The following GNB1L variants were observed in gnomAD, a reference collection of about 807,000 sequenced individuals.
GNB1L encodes the protein guanine nucleotide-binding protein subunit beta-like protein 1.
A neutral mutation model predicts 29.1 loss-of-function variants in GNB1L; 20 were observed. The ratio of observed to expected loss-of-function variants is 0.69; its 90% CI spans 0.48 to 1.00. The LOEUF is 1.00. Among genes scored for constraint, GNB1L ranks in the 50% least tolerant of loss-of-function variants. The pLI, the probability that GNB1L is intolerant of heterozygous loss-of-function variation, is 0.00. For missense variants in GNB1L, 421 were observed against 464.9 expected, an observed-to-expected ratio of 0.91 and a Z score of 0.87; for synonymous variants, 193 against 206.5, an observed-to-expected ratio of 0.93 and a Z score of 0.56.
intron 4 of GNB1L, among the ~76,000 whole-genome samples, chr22:19,819,075 C>G (rs146763235): frequency 0.014 from 2,151 of 152,344 alleles, 21 homozygotes; most frequent in Non-Finnish European, 0.024. Flanking sequence ...GAACCCAGCC[C>G]TGGGCTAACC....
intron 2 of GNB1L, chr22:19,846,858 T>C (rs1937973342): frequency 3.3e-6 from 3 of 898,526 alleles, no homozygotes; most frequent in South Asian, 5.1e-5. Flanking sequence ...CATGAGGAAA[T>C]GTCTGTTGTT....
chr22:19,851,215 C>T, intron 2 of GNB1L: 12 of 1,596,996 alleles, frequency 7.5e-6, no homozygotes, highest in Non-Finnish European at 1.0e-5. Flanking sequence ...CCGGGGCCTC[C>T]ACCACCTCCT....
At chr22:19,846,474 G>A (rs946830730) in intron 2 of GNB1L, 1 of 985,298 alleles carries the variant, frequency 1.0e-6, no homozygotes, top group African/African-American at 1.7e-5. Flanking sequence ...GGGCCTGGGG[G>A]ACTCTGCACA....
intron 7 of GNB1L, among the ~76,000 whole-genome samples, chr22:19,793,249 A>C (rs566692593): frequency 2.8e-4 from 42 of 152,224 alleles, no homozygotes; most frequent in Non-Finnish European, 5.1e-4. Flanking sequence ...TGGAAATTAT[A>C]AAAAAGAGTC....
At chr22:19,851,431 T>G (rs769500031) in intron 2 of GNB1L, 1 of 1,613,962 alleles carries the variant, frequency 6.2e-7, no homozygotes, top group Non-Finnish European at 8.5e-7. Flanking sequence ...TGGAGCTACA[T>G]GTAGAACTGG....
chr22:19,793,641 C>T (rs1372326115), intron 7 of GNB1L, among the ~76,000 whole-genome samples: 3 of 152,116 alleles, frequency 2.0e-5, no homozygotes, highest in African/African-American at 4.8e-5. Context: ...TACTGAAAAC[C>T]ACAGATAAAA....
chr22:19,814,965 G>C (rs1937519183), intron 4 of GNB1L, among the ~76,000 whole-genome samples: 1 of 151,850 alleles, frequency 6.6e-6, no homozygotes, highest in African/African-American at 2.4e-5. Flanking sequence ...GAGCCTGGGA[G>C]ATTGAGGCTG....
At chr22:19,804,089 C>G (rs968505254) in intron 6 of GNB1L, among the ~76,000 whole-genome samples, 1 of 152,256 alleles carries the variant, frequency 6.6e-6, no homozygotes, top group Admixed American at 6.5e-5. Context: ...GGGGCTTGCC[C>G]TGTGGTTGCC....
intron 7 of GNB1L, chr22:19,792,614 G>A: frequency 6.3e-7 from 1 of 1,597,988 alleles, no homozygotes; most frequent in Non-Finnish European, 8.5e-7. Context: ...CAGAGACAAA[G>A]CAAGAGAAGA....
chr22:19,826,780 T>G (rs1937622730), intron 2 of GNB1L, among the ~76,000 whole-genome samples: 1 of 152,132 alleles, frequency 6.6e-6, no homozygotes, highest in Admixed American at 6.5e-5. Flanking sequence ...AAACTGGCAT[T>G]GCTTATCTCC....
chr22:19,791,994 C>T (rs898535316), intron 7 of GNB1L, among the ~76,000 whole-genome samples: 2 of 152,174 alleles, frequency 1.3e-5, no homozygotes, highest in Non-Finnish European at 2.9e-5. Flanking sequence ...CAAGCCTGCA[C>T]AAGCTCAAGG....
intron 7 of GNB1L, among the ~76,000 whole-genome samples, chr22:19,793,370 C>T (rs1240211426): frequency 6.6e-6 from 1 of 151,994 alleles, no homozygotes; most frequent in East Asian, 1.9e-4. Context: ...AACTGGAAGA[C>T]AGATCAACAG....
chr22:19,829,006 AT>A (rs1937644465), intron 2 of GNB1L, among the ~76,000 whole-genome samples: 1 of 151,806 alleles, frequency 6.6e-6, no homozygotes, highest in Admixed American at 6.6e-5. Flanking sequence ...TAATTTCTGT[AT>A]TTTTAATAGA....
chr22:19,793,993 G>A (rs1937279499), intron 7 of GNB1L, among the ~76,000 whole-genome samples: 1 of 152,144 alleles, frequency 6.6e-6, no homozygotes, highest in Non-Finnish European at 1.5e-5. Context: ...TTTTTAAACT[G>A]ATGATTTAAA....
intron 7 of GNB1L, among the ~76,000 whole-genome samples, chr22:19,791,193 A>G (rs1439122054): frequency 1.3e-5 from 2 of 152,210 alleles, no homozygotes; most frequent in Admixed American, 1.3e-4. Context: ...TGATCACACC[A>G]TTGTACTCCA....
chr22:19,825,385 C>T (rs915564848), intron 2 of GNB1L, among the ~76,000 whole-genome samples: 3 of 152,196 alleles, frequency 2.0e-5, no homozygotes, highest in East Asian at 1.9e-4. Context: ...TTTGGGAGGC[C>T]GAGGTGGGAG....
intron 2 of GNB1L, among the ~76,000 whole-genome samples, chr22:19,831,466 A>T (rs1221359998): frequency 1.3e-5 from 2 of 151,824 alleles, no homozygotes; most frequent in African/African-American, 4.8e-5. Context: ...CTGAGGCGGG[A>T]GGATCACAAG....
chr22:19,851,228 G>A, intron 2 of GNB1L: 1 of 1,600,326 alleles, frequency 6.2e-7, no homozygotes, highest in Admixed American at 1.7e-5. Flanking sequence ...CACCTCCTGT[G>A]GGGTACCTAA....
chr22:19,849,409 TC>T, intron 2 of GNB1L: 2 of 638,884 alleles, frequency 3.1e-6, no homozygotes, highest in Non-Finnish European at 3.9e-6. Flanking sequence ...ACTCTTGTTG[TC>T]CAGGCTGGAG....
Sources: gnomAD v4.1 joint callset for allele counts (sites outside exome capture counted in the v4.1 genomes callset) on GRCh38, gnomAD v4.1.1 for gene constraint, MANE v1.5 for transcripts, NCBI Gene and HGNC (gene_info 2026-07-23, HGNC 2026-07-21) for gene names.